Variants in NIPBL observed in about 807,000 individuals in gnomAD.
The protein encoded by NIPBL is NIPBL cohesin loading factor.
A neutral mutation model predicts 321.8 loss-of-function variants in NIPBL; 19 were observed. The ratio of observed to expected loss-of-function variants is 0.06; its 90% CI spans 0.04 to 0.09. The LOEUF (loss-of-function observed/expected upper bound fraction) is 0.09. NIPBL is among the 10% of genes least tolerant of loss of function. The pLI, the probability that NIPBL is intolerant of heterozygous loss-of-function variation, is 1.00. For missense variants in NIPBL, 2,210 were observed against 3,327.0 expected, an observed-to-expected ratio of 0.66 and a Z score of 8.26; for synonymous variants, 1,106 against 1,114.1, an observed-to-expected ratio of 0.99 and a Z score of 0.14.
At chr5:36,955,050 C>T (rs541502390) in intron 2 of NIPBL, 11 of 166,076 alleles carry the variant, frequency 6.6e-5, no homozygotes, top group East Asian at 5.1e-4. Context: ...TTTTAAAAAA[C>T]GTTACTTGTC....
At chr5:37,018,220 C>CT (rs968972327) in intron 24 of NIPBL, among the ~76,000 whole-genome samples, 12 of 152,228 alleles carry the variant, frequency 7.9e-5, no homozygotes, top group Middle Eastern at 3.4e-3. Context: ...GGAACCACTG[C>CT]TTAGTGTATA....
chr5:36,901,276 TC>T (rs922760759), intron 1 of NIPBL, among the ~76,000 whole-genome samples: 7 of 152,196 alleles, frequency 4.6e-5, no homozygotes, highest in Admixed American at 4.6e-4. Context: ...GGACATGATT[TC>T]ATCCTTTTTT....
Position 37,016,110 on chromosome 5 carries a change from A to T in NIPBL, c.4716A>T (p.Thr1572=). The T allele has an allele frequency of 1.2e-6, 2 of 1,613,984 alleles. No individual in the cohort carries two copies. The highest frequency in any genetic ancestry group is 8.5e-7 in the Non-Finnish European group (1 of 1,179,910). Residue 1572 remains threonine (T), a synonymous_variant, in exon 23 of 47, where the codon ACA becomes ACT. Coordinates refer to ENST00000282516, the MANE Select transcript of NIPBL (RefSeq NM_133433.4). Reference sequence around the variant, plus strand: ...ATTTTGTTCAAGACCTTCTTTCAACAGTCAATAAGCCTGAATGGCCAGCTG... The same window carrying T: ...ATTTTGTTCAAGACCTTCTTTCAACTGTCAATAAGCCTGAATGGCCAGCTG... ...FENFVQDLLS[T]VNKPEWPAAE...
At chr5:37,040,011 G>C (rs1361806538) in intron 34 of NIPBL, among the ~76,000 whole-genome samples, 2 of 151,990 alleles carry the variant, frequency 1.3e-5, no homozygotes, top group Non-Finnish European at 2.9e-5. Context: ...GTACTATTAT[G>C]ATCTCAGTTT....
chr5:36,953,840 T>G, intron 2 of NIPBL, 80 bp downstream of exon 2: 1 of 1,241,750 alleles, frequency 8.1e-7, no homozygotes, highest in Non-Finnish European at 1.2e-6. Context: ...TAAAAATTAT[T>G]ATAGGTTCTT....
intron 1 of NIPBL, among the ~76,000 whole-genome samples, chr5:36,906,775 G>A (rs1241493749): frequency 6.6e-6 from 1 of 152,122 alleles, no homozygotes; most frequent in Non-Finnish European, 1.5e-5. Context: ...GGAGAAAAGG[G>A]CACCAAATTG....
At chr5:37,018,973 C>G (rs1156544707) in intron 24 of NIPBL, among the ~76,000 whole-genome samples, 2 of 151,932 alleles carry the variant, frequency 1.3e-5, no homozygotes, top group East Asian at 3.9e-4. Context: ...CATGGTGGAC[C>G]ATGCCTGTAG....
chr5:36,964,810 G>A (rs1742025450), intron 6 of NIPBL, among the ~76,000 whole-genome samples: 2 of 151,904 alleles, frequency 1.3e-5, no homozygotes, highest in Admixed American at 1.3e-4. Context: ...TAGAATATCA[G>A]GAATATATAA....
chr5:37,028,853 T>C (rs1335389775), intron 32 of NIPBL, among the ~76,000 whole-genome samples: 2 of 152,232 alleles, frequency 1.3e-5, no homozygotes, highest in East Asian at 1.9e-4. Context: ...TTGGTTGATA[T>C]ACTCTTAAGT....
chr5:37,020,528 T>G lies in NIPBL; in HGVS notation c.5080T>G (p.Ser1694Ala). ...TCTGGAAACAGAAAAAGCAATGAAA[T>G]CACAAAAAGATGAAGAATCATCTGA... ...TTLETEKAMK[S>A]QKDEESSEGT... is the part of the protein sequence containing the mutation. The change falls in exon 26 of 47, where the codon TCA becomes GCA. Residue 1694 changes from serine to alanine, a missense_variant. By Grantham distance (99) the Ser-to-Ala change is moderately conservative. This residue lies in a region of NIPBL where 138 missense variants were observed against 175.8 expected (regional missense o/e 0.79). Transcript: ENST00000282516. The G allele has an allele frequency of 6.2e-7, 1 of 1,613,820 alleles. No individual in the cohort carries two copies. The highest frequency in any genetic ancestry group is 8.5e-7 in the Non-Finnish European group (1 of 1,179,894).
chr5:37,021,924 A>T, intron 27 of NIPBL, 127 bp from the exon 28 acceptor site: 3 of 742,756 alleles, frequency 4.0e-6, no homozygotes, highest in Non-Finnish European at 7.0e-6. Flanking sequence ...AAGATCCTTT[A>T]CTCATTTATA....
At chr5:36,942,677 G>C (rs563423643) in intron 1 of NIPBL, among the ~76,000 whole-genome samples, 2 of 150,546 alleles carry the variant, frequency 1.3e-5, no homozygotes, top group African/African-American at 4.9e-5. Flanking sequence ...GGAGGCAGAG[G>C]CTGTAATGAG....
chr5:37,013,827 A>G (rs1177864662), intron 21 of NIPBL, among the ~76,000 whole-genome samples: 2 of 152,206 alleles, frequency 1.3e-5, no homozygotes, highest in Non-Finnish European at 2.9e-5. Flanking sequence ...AGAGGCTGCA[A>G]TCTCGGCACT....
chr5:37,046,269 T>A, intron 38 of NIPBL, 70 bp downstream of exon 38: 2 of 874,730 alleles, frequency 2.3e-6, no homozygotes, highest in East Asian at 2.4e-5. Flanking sequence ...ATATTGTGAA[T>A]CTAAATTGTT....
At chr5:36,877,624 G>C (rs1278309767) in intron 1 of NIPBL, among the ~76,000 whole-genome samples, 2 of 152,232 alleles carry the variant, frequency 1.3e-5, no homozygotes, top group African/African-American at 2.4e-5. Context: ...CCCGGTCCGG[G>C]AGTGGGGAAC....
At chr5:36,981,125 A>G (rs552039800) in intron 9 of NIPBL, among the ~76,000 whole-genome samples, 7 of 151,898 alleles carry the variant, frequency 4.6e-5, no homozygotes, top group African/African-American at 1.7e-4. Flanking sequence ...GGACTTTTTT[A>G]CAACTGTTGT....
intron 44 of NIPBL, 75 bp from the exon 45 acceptor site, chr5:37,060,769 C>T: frequency 7.9e-7 from 1 of 1,264,430 alleles, no homozygotes; most frequent in Non-Finnish European, 1.1e-6. Flanking sequence ...ATGGTGCTTC[C>T]TACCTATAAT....
chr5:37,042,825 CAAAAA>C (rs1216799676), intron 34 of NIPBL, among the ~76,000 whole-genome samples: 1 of 85,992 alleles, frequency 1.2e-5, no homozygotes, highest in Non-Finnish European at 2.4e-5. Flanking sequence ...GACTCCGTCT[CAAAAA>C]AAAAAAAGAA....
chr5:37,061,296 T>C (rs1754643778), intron 45 of NIPBL, among the ~76,000 whole-genome samples: 1 of 152,164 alleles, frequency 6.6e-6, no homozygotes, highest in African/African-American at 2.4e-5. Context: ...GTGTGTGTTT[T>C]GTAGTTGTCC....
Sources: allele counts gnomAD v4.1 joint callset (sites outside exome capture counted in the v4.1 genomes callset), GRCh38; gene constraint gnomAD v4.1.1; regional missense constraint gnomAD v4.1.1; transcripts MANE v1.5; gene names NCBI Gene and HGNC (gene_info 2026-07-23, HGNC 2026-07-21).